PISD: variants seen among roughly 807,000 people sequenced by gnomAD.
PISD encodes phosphatidylserine decarboxylase, also known as phosphatidylserine decarboxylase proenzyme, mitochondrial.
In PISD, 31 loss-of-function variants were observed where a neutral mutation model predicts 43.5. The observed-to-expected ratio is 0.71, with a 90% CI of 0.54 to 0.96. The LOEUF (loss-of-function observed/expected upper bound fraction) is 0.96. Among genes scored for constraint, PISD ranks in the 40% least tolerant of loss-of-function variants. The pLI is 0.00. For synonymous variants in PISD, 259 were observed against 228.7 expected (o/e 1.13, Z -1.20); for missense variants, 523 against 548.4 (o/e 0.95, Z 0.46).
intron 1 of PISD, among the ~76,000 whole-genome samples, chr22:31,652,871 T>A (rs534721608): frequency 1.3e-5 from 2 of 152,028 alleles, no homozygotes; most frequent in Admixed American, 1.3e-4. Flanking sequence ...AAACCCCATC[T>A]GTACAAAAAA....
At chr22:31,629,579 T>G (rs62237841) in intron 3 of PISD, 6,354 of 80,288 alleles carry the variant, frequency 0.079, 129 homozygotes, top group African/African-American at 0.092. Context: ...CGTGCGTGTA[T>G]GGGTGTGTAG....
intron 1 of PISD, among the ~76,000 whole-genome samples, chr22:31,660,320 T>C (rs558576451): frequency 2.6e-5 from 4 of 152,302 alleles, no homozygotes; most frequent in African/African-American, 9.6e-5. Flanking sequence ...TCCCTTTTAA[T>C]GATGGTGACT....
In PISD at chr22:31,648,254, G is replaced by T; in HGVS notation, c.168C>A (p.Ala56=). 6.2e-7 allele frequency: 1 copy of T among 1,609,586 alleles called. No homozygotes were observed. Among genetic ancestry groups the T allele is most frequent in the Non-Finnish European group, 8.5e-7 (1 of 1,178,664 alleles). The change falls in exon 3 of 8, where the codon GCC becomes GCA. Residue 56 remains alanine (A), a synonymous_variant. Coordinates refer to ENST00000439502, the MANE Select transcript of PISD (RefSeq NM_001326411.2). ...GCAGCAGGAACATGGTTCGGGCAGGGGCAGTGTGGATTTTTCTGGCATCTG... is the reference window on the plus strand; with the variant it reads ...GCAGCAGGAACATGGTTCGGGCAGGTGCAGTGTGGATTTTTCTGGCATCTG... ...FRTDARKIHT[A]PARTMFLLRP...
intron 3 of PISD, among the ~76,000 whole-genome samples, chr22:31,622,960 C>G (rs1216009695): frequency 6.6e-6 from 1 of 152,264 alleles, no homozygotes. Context: ...TCCCAGAGAG[C>G]TGCTCTTATC....
At chr22:31,628,233 G>A (rs1295918070) in intron 3 of PISD, 4 of 975,696 alleles carry the variant, frequency 4.1e-6, no homozygotes, top group South Asian at 9.5e-5. Context: ...GAGAAGGGGC[G>A]CCTAGAGGTT....
Position 31,642,878 on chromosome 22 carries a change from G to A in PISD, c.321+5223C>T, listed in dbSNP as rs188006434. Among the ~76,000 whole-genome samples, 531 of 150,972 alleles carry A rather than the reference G, an allele frequency of 3.5e-3. 14 individuals are homozygous for A. In the East Asian group the frequency reaches 0.068, roughly 19 times the overall value. ...AGCACTTTGGGAGGCTGAGGCGGGCGGATCACCTGAGGTCGGGAGTTCGAG... is the reference window on the plus strand; with the variant it reads ...AGCACTTTGGGAGGCTGAGGCGGGCAGATCACCTGAGGTCGGGAGTTCGAG... On this transcript the variant is annotated intron_variant, in intron 3 of 7. Coordinates refer to ENST00000439502, the MANE Select transcript of PISD (RefSeq NM_001326411.2).
chr22:31,662,215 T>C lies in PISD; in HGVS notation c.-7A>G, dbSNP rs1213565170. On this transcript the variant is annotated 5_prime_UTR_variant, in exon 1 of 8. Transcript: ENST00000439502. ...GCCCCACGGACGTCGCCATCTTGTC[T>C]GCTCCTTCTCAGCGTGCCACGCCCC... is the stretch of plus-strand genomic sequence containing the variant. 1.9e-6 allele frequency: 3 copies of C among 1,602,902 alleles called. No homozygotes were observed. Among genetic ancestry groups the C allele is most frequent in the Non-Finnish European group, 2.5e-6 (3 of 1,179,700 alleles).
intron 3 of PISD, among the ~76,000 whole-genome samples, chr22:31,641,296 AG>A (rs551063986): frequency 4.6e-5 from 7 of 152,166 alleles, no homozygotes; most frequent in Non-Finnish European, 1.0e-4. Context: ...CCAAATTGCC[AG>A]AATTGCTATT....
At chr22:31,631,346 C>T (rs183652917) in intron 3 of PISD, among the ~76,000 whole-genome samples, 132 of 152,316 alleles carry the variant, frequency 8.7e-4, no homozygotes, top group Non-Finnish European at 8.7e-4. Context: ...CCAGAGAATG[C>T]GAAATCCTTG....
Position 31,652,722 on chromosome 22 carries a change from CACAAA to C in PISD, c.66-1949_66-1945del, listed in dbSNP as rs377241662. ...ACTCGGGAGGCTGAGGCAGGAGAAT[CACAAA>C]ACAAAACAAAACAAACACCCCCCTT... is the stretch of plus-strand genomic sequence containing the variant. On this transcript the variant is annotated intron_variant, in intron 1 of 7. Transcript: ENST00000439502. Among the ~76,000 whole-genome samples the C allele has an allele frequency of 4.5e-3, 679 of 150,062 alleles. 1 individual carries two copies. Among genetic ancestry groups the C allele is most frequent in the Non-Finnish European group, 7.5e-3 (504 of 67,560 alleles).
intron 2 of PISD, among the ~76,000 whole-genome samples, chr22:31,650,009 T>G (rs1362961009): frequency 2.0e-5 from 3 of 152,210 alleles, no homozygotes; most frequent in Non-Finnish European, 2.9e-5. Context: ...CACCTTGATC[T>G]CAGACATTTA....
chr22:31,621,226 C>T, intron 5 of PISD, 84 bp from the exon 6 acceptor site: 2 of 1,610,294 alleles, frequency 1.2e-6, no homozygotes. Flanking sequence ...CATGGATTCT[C>T]AGGGAGGCCC....
At chr22:31,634,997 T>C (rs1187835727) in intron 3 of PISD, among the ~76,000 whole-genome samples, 1 of 151,294 alleles carries the variant, frequency 6.6e-6, no homozygotes, top group African/African-American at 2.4e-5. Flanking sequence ...TGAAACCCTG[T>C]CTCTACTAAA....
chr22:31,633,397 G>T (rs2073287087), intron 3 of PISD, among the ~76,000 whole-genome samples: 1 of 152,210 alleles, frequency 6.6e-6, no homozygotes. Flanking sequence ...GCCATTCTAA[G>T]CCTCTAAGGC....
chr22:31,622,816 G>A (rs1371122290), intron 3 of PISD, among the ~76,000 whole-genome samples: 1 of 152,236 alleles, frequency 6.6e-6, no homozygotes, highest in South Asian at 2.1e-4. Flanking sequence ...TTAAACTTCA[G>A]GTGCTGCTGC....
intron 3 of PISD, among the ~76,000 whole-genome samples, chr22:31,637,164 A>AAAATATATATATAT (rs1569487518): frequency 7.3e-5 from 1 of 13,652 alleles, no homozygotes; most frequent in African/African-American, 3.1e-4. Flanking sequence ...AAAAAAAAAA[A>AAAATATATATATAT]ATATATATAT....
chr22:31,621,152 A>C lies in PISD; in HGVS notation c.698-10T>G. ...GAGTCACACGACGCGGCTGTGGAGT[A>C]GGAGCAGACGTGGGGGCCACCAACA... On this transcript the variant is annotated splice_polypyrimidine_tract_variant and intron_variant, in intron 5 of 7. Transcript: ENST00000439502. 1 of 1,614,164 alleles carries C rather than the reference A, an allele frequency of 6.2e-7. No homozygotes were observed. Among genetic ancestry groups the C allele is most frequent in the Non-Finnish European group, 8.5e-7 (1 of 1,180,030 alleles).
intron 3 of PISD, chr22:31,625,838 G>A: frequency 6.3e-7 from 1 of 1,590,396 alleles, no homozygotes; most frequent in Non-Finnish European, 8.6e-7. Flanking sequence ...GGAGGGCGGG[G>A]CGAGGCTCAC....
intron 3 of PISD, among the ~76,000 whole-genome samples, chr22:31,637,194 TATATATATATA>T: frequency 1.2e-5 from 1 of 85,994 alleles, no homozygotes; most frequent in Non-Finnish European, 2.2e-5. Flanking sequence ...TATATATATA[TATATATATATA>T]TAGAAAAATT....
Sources: allele counts gnomAD v4.1 joint callset (sites outside exome capture counted in the v4.1 genomes callset), GRCh38; gene constraint gnomAD v4.1.1; transcripts MANE v1.5; gene names NCBI Gene and HGNC (gene_info 2026-07-23, HGNC 2026-07-21).